Variants in SLC2A11 observed in about 807,000 individuals in gnomAD.
The protein encoded by SLC2A11 is solute carrier family 2, facilitated glucose transporter member 11.
Under a neutral mutation model 52.1 loss-of-function variants are expected in SLC2A11, and 43 were observed. The observed-to-expected ratio is 0.82, with a 90% CI of 0.65 to 1.06. The LOEUF (loss-of-function observed/expected upper bound fraction) is 1.06, where lower values mean the gene tolerates loss of function less well. SLC2A11 is among the 50% of genes least tolerant of loss of function. SLC2A11 has a pLI of 0.00. For missense variants in SLC2A11, 582 were observed against 654.2 expected (o/e 0.89, Z 1.20); for synonymous variants, 261 against 277.6 (o/e 0.94, Z 0.59).
chr22:23,867,905 T>C, intron 2 of SLC2A11: 2 of 351,302 alleles, frequency 5.7e-6, no homozygotes, highest in South Asian at 4.6e-5. Flanking sequence ...TAAATGTAAG[T>C]AAAGGGCCTT....
rs571862746 is a variant in SLC2A11, at chr22:23,877,164, G to C, written c.538G>C (p.Gly180Arg). The change falls in exon 5 of 12, where the codon GGA becomes CGA. Residue 180 changes from glycine (G) to arginine (R), a missense_variant. By Grantham distance (125) the Gly-to-Arg change is moderately radical. Coordinates refer to ENST00000316185, the MANE Select transcript of SLC2A11 (RefSeq NM_001024939.4). ...GGGGATCGTGATGGGACAGGTGGTC[G>C]GACTCAGGTAAGCACCCCTCCCCCA... ...ALGIVMGQVVGLRELLGGPQA... is the reference protein window; with the variant it reads ...ALGIVMGQVVRLRELLGGPQA... 9 of 1,610,040 alleles carry C rather than the reference G, an allele frequency of 5.6e-6. No homozygotes were observed. Among genetic ancestry groups the C allele is most frequent in the Non-Finnish European group, 7.6e-6 (9 of 1,178,056 alleles).
intron 4 of SLC2A11, among the ~76,000 whole-genome samples, chr22:23,876,026 G>C (rs886705562): frequency 6.6e-6 from 1 of 152,060 alleles, no homozygotes; most frequent in Non-Finnish European, 1.5e-5. Context: ...CCACTTTGGG[G>C]GGCTCTCCAC....
At position 23,882,796 on chromosome 22, in the gene SLC2A11, G is replaced by T. The variant is rs752389964; in HGVS notation, c.920G>T (p.Gly307Val). 3.8e-5 allele frequency: 61 copies of T among 1,613,740 alleles called. No individual in the cohort carries two copies. Among genetic ancestry groups the T allele is most frequent in the Non-Finnish European group, 4.9e-5 (58 of 1,179,916 alleles). Reference sequence around the variant, plus strand: ...GCCTCCTCCGTGTTCCGGAAGGCAGGAGTGCCGGAAGCGAAGATCCAGTAC... The same window carrying T: ...GCCTCCTCCGTGTTCCGGAAGGCAGTAGTGCCGGAAGCGAAGATCCAGTAC... ...AYASSVFRKA[G>V]VPEAKIQYAI... The change falls in exon 8 of 12, where the codon GGA becomes GTA. Residue 307 changes from glycine (G) to valine (V), a missense_variant. Transcript: ENST00000316185.
chr22:23,875,390 A>C, intron 4 of SLC2A11, 149 bp downstream of exon 4: 1 of 1,014,418 alleles, frequency 9.9e-7, no homozygotes, highest in Non-Finnish European at 1.3e-6. Flanking sequence ...AAAAGGATGT[A>C]GTATAGTTTA....
chr22:23,857,600 C>G, upstream of SLC2A11: 1 of 1,068,786 alleles, frequency 9.4e-7, no homozygotes. Flanking sequence ...GGCGGCGACT[C>G]CCCCCCAACA....
chr22:23,861,290 C>CAAAAAAAAAA (rs56138210), intron 1 of SLC2A11, among the ~76,000 whole-genome samples: 1 of 35,620 alleles, frequency 2.8e-5, no homozygotes, highest in East Asian at 1.0e-3. Flanking sequence ...GACTCAGTCT[C>CAAAAAAAAAA]AAAAAAAAAA....
chr22:23,876,174 A>G (rs1377960509), intron 4 of SLC2A11, among the ~76,000 whole-genome samples: 6 of 152,116 alleles, frequency 3.9e-5, no homozygotes, highest in African/African-American at 7.2e-5. Context: ...GGTGCTTTTT[A>G]TGTCCTAATT....
chr22:23,861,580 C>A (rs920961328), intron 1 of SLC2A11, among the ~76,000 whole-genome samples: 2 of 152,216 alleles, frequency 1.3e-5, no homozygotes, highest in East Asian at 3.9e-4. Context: ...GTCCCCAAGT[C>A]CTTGCACCTG....
rs1211697940 is a variant in SLC2A11 at position 23,884,058 on chromosome 22, A to G, written c.1171+34A>G. ...GCCCAAGGGGCTCTGGGCATCCATC[A>G]TCACATAGAAGGAGTGATGGGTGCC... On this transcript the variant is annotated intron_variant, in intron 10 of 11. Coordinates refer to ENST00000316185, the MANE Select transcript of SLC2A11 (RefSeq NM_001024939.4). The surrounding 1 kb of genome is among the most constrained non-coding windows in gnomAD (Gnocchi z 4.3). 3 of 1,602,136 alleles carry G rather than the reference A, an allele frequency of 1.9e-6. No homozygotes were observed. The highest frequency in any genetic ancestry group is 2.2e-5 in the East Asian group (1 of 44,830).
chr22:23,883,670 C>A, intron 8 of SLC2A11, 102 bp from the exon 9 acceptor site: 1 of 941,814 alleles, frequency 1.1e-6, no homozygotes, highest in South Asian at 2.0e-5. Flanking sequence ...AAACTACCCT[C>A]ACCTCCACCA....
At position 23,868,594 on chromosome 22, in the gene SLC2A11, C is replaced by T. The variant is rs765079595; in HGVS notation, c.243C>T (p.Gly81=). ...SLIVSLYPLG[G]LFGALLAGPL... Reference sequence around the variant, plus strand: ...TCGTGTCTCTGTATCCCCTGGGAGGCCTCTTTGGAGCACTGCTTGCAGGTC... The same window carrying T: ...TCGTGTCTCTGTATCCCCTGGGAGGTCTCTTTGGAGCACTGCTTGCAGGTC... Residue 81 remains glycine, a synonymous_variant, in exon 3 of 12, where the codon GGC becomes GGT. Transcript: ENST00000316185. The T allele has an allele frequency of 6.2e-7, 1 of 1,614,184 alleles. No individual in the cohort carries two copies. Among genetic ancestry groups the T allele is most frequent in the Non-Finnish European group, 8.5e-7 (1 of 1,180,026 alleles).
At chr22:23,857,023 C>T, upstream of SLC2A11, 2 of 1,597,032 alleles carry the variant, frequency 1.3e-6, no homozygotes, top group Non-Finnish European at 1.7e-6. Context: ...TCCTAATTTT[C>T]CCGTCCTCTG....
intron 2 of SLC2A11, among the ~76,000 whole-genome samples, chr22:23,864,585 G>T (rs1308360460): frequency 6.6e-6 from 1 of 152,158 alleles, no homozygotes; most frequent in African/African-American, 2.4e-5. Flanking sequence ...CTCCCAAAGT[G>T]CTGGGATTAC....
At position 23,884,663 on chromosome 22, in the gene SLC2A11, CT is replaced by C. The variant is rs1419337247; in HGVS notation, c.1316del (p.Phe439SerfsTer94). 3.1e-6 allele frequency: 5 copies of C among 1,613,164 alleles called. No individual in the cohort carries two copies. Among genetic ancestry groups the C allele is most frequent in the Non-Finnish European group, 4.2e-6 (5 of 1,179,638 alleles). On this transcript the variant is annotated frameshift_variant, in exon 12 of 12. Coordinates refer to ENST00000316185, the MANE Select transcript of SLC2A11 (RefSeq NM_001024939.4). LOFTEE classifies it low-confidence loss of function (END_TRUNC). This position sits in a 1 kb window ranked among gnomAD's most constrained non-coding sequence, Gnocchi z 4.3. The part of the protein sequence containing the change: ...FPFIMEALSH[F>X]LYVPFLGVCV... ...TTAATCCGCAGGAGGCCTTGTCCCA[CT>C]TCCTCTATGTCCCTTTCCTTGGTGT...
At chr22:23,880,367 T>C (rs1330519011) in intron 6 of SLC2A11, 1 of 152,192 alleles carries the variant, frequency 6.6e-6, no homozygotes, top group African/African-American at 2.4e-5. Flanking sequence ...GCAGAGCTTT[T>C]GCCAATACAA....
chr22:23,863,935 C>T (rs1006047881), intron 2 of SLC2A11, among the ~76,000 whole-genome samples: 2 of 151,976 alleles, frequency 1.3e-5, no homozygotes, highest in Admixed American at 6.6e-5. Context: ...CCAGCTTGGC[C>T]TTGTTTTCAT....
chr22:23,867,487 C>T (rs1322488943), intron 2 of SLC2A11: 2 of 321,084 alleles, frequency 6.2e-6, no homozygotes, highest in East Asian at 7.8e-5. Context: ...TGTGAGCCAC[C>T]GTGCCTGGCC....
chr22:23,875,142 ATCTT>A lies in SLC2A11; in HGVS notation c.318_321del (p.Ile106MetfsTer20). The A allele has an allele frequency of 6.3e-7, 1 of 1,593,872 alleles. No individual in the cohort carries two copies. The highest frequency in any genetic ancestry group is 1.1e-5 in the South Asian group (1 of 88,216). Reference sequence around the variant, plus strand: ...GAAGAAGTCCCTCCTGGTGAATAACATCTTTGTGGTGTCAGCAGCAATCCTGTTT... The same window carrying A: ...GAAGAAGTCCCTCCTGGTGAATAACATGTGGTGTCAGCAGCAATCCTGTTT... On this transcript the variant is annotated frameshift_variant, in exon 4 of 12. Coordinates refer to ENST00000316185, the MANE Select transcript of SLC2A11 (RefSeq NM_001024939.4). LOFTEE classifies it high-confidence loss of function.
chr22:23,875,006 T>TTG, intron 3 of SLC2A11, 111 bp from the exon 4 acceptor site: 3 of 1,247,832 alleles, frequency 2.4e-6, no homozygotes, highest in Non-Finnish European at 3.1e-6. Context: ...CTACATACAT[T>TTG]TGTGTGTGTG....
Sources: gnomAD v4.1 joint callset for allele counts (sites outside exome capture counted in the v4.1 genomes callset) on GRCh38, gnomAD v4.1.1 for gene constraint, Gnocchi (gnomAD v3.1) non-coding constraint, MANE v1.5 for transcripts, NCBI Gene and HGNC (gene_info 2026-07-23, HGNC 2026-07-21) for gene names.